Variants in HS3ST5 observed in about 807,000 individuals in gnomAD.
HS3ST5 encodes heparan sulfate glucosamine 3-O-sulfotransferase 5.
HS3ST5 carries 10 observed loss-of-function variants against 25.4 expected under a neutral mutation model. The observed-to-expected ratio is 0.39, with a 90% CI of 0.24 to 0.67. The LOEUF (loss-of-function observed/expected upper bound fraction) is 0.67, where lower values mean the gene tolerates loss of function less well. Ranked by LOEUF, HS3ST5 falls within the 30% of genes least tolerant of loss-of-function variation. The pLI is 0.44. For synonymous variants in HS3ST5, 170 were observed against 162.4 expected (o/e 1.05, Z -0.36); for missense variants, 324 against 420.7 (o/e 0.77, Z 2.01).
chr6:114,285,995 T>C (rs1232277728), intron 1 of HS3ST5, among the ~76,000 whole-genome samples: 2 of 151,736 alleles, frequency 1.3e-5, no homozygotes, highest in African/African-American at 4.8e-5. Context: ...AATCGAAATA[T>C]ACACGTATGG....
At chr6:114,209,301 T>C (rs941368286) in intron 2 of HS3ST5, among the ~76,000 whole-genome samples, 2 of 152,084 alleles carry the variant, frequency 1.3e-5, no homozygotes, top group African/African-American at 2.4e-5. Context: ...TTTAAATTTT[T>C]AAAAAATGTG....
intron 3 of HS3ST5, among the ~76,000 whole-genome samples, chr6:114,125,187 G>T (rs1236055861): frequency 6.6e-6 from 1 of 152,058 alleles, no homozygotes; most frequent in African/African-American, 2.4e-5. Flanking sequence ...TTTTTAGAAA[G>T]AATTACAATT....
At chr6:114,236,958 A>G (rs1185341230) in intron 1 of HS3ST5, among the ~76,000 whole-genome samples, 3 of 152,246 alleles carry the variant, frequency 2.0e-5, no homozygotes, top group Non-Finnish European at 4.4e-5. Context: ...CCATGTTATC[A>G]GTTCCACTTT....
intron 1 of HS3ST5, among the ~76,000 whole-genome samples, chr6:114,264,129 C>T (rs1390436973): frequency 6.6e-6 from 1 of 151,990 alleles, no homozygotes; most frequent in Non-Finnish European, 1.5e-5. Context: ...TAGTATTGCT[C>T]TTATTTCTAA....
chr6:114,255,099 G>T (rs146370852), intron 1 of HS3ST5, among the ~76,000 whole-genome samples: 2 of 152,284 alleles, frequency 1.3e-5, no homozygotes, highest in Non-Finnish European at 2.9e-5. Flanking sequence ...TCAAAAGCAA[G>T]CTAGTTACCT....
intron 1 of HS3ST5, among the ~76,000 whole-genome samples, chr6:114,289,896 C>T (rs1366954720): frequency 6.6e-6 from 1 of 151,988 alleles, no homozygotes; most frequent in Admixed American, 6.6e-5. Flanking sequence ...TTAAATTTAG[C>T]ACAAATATCC....
intron 3 of HS3ST5, among the ~76,000 whole-genome samples, chr6:114,071,082 G>T (rs1230843293): frequency 2.6e-5 from 4 of 152,110 alleles, no homozygotes; most frequent in African/African-American, 9.7e-5. Context: ...CCTACCCAAG[G>T]CCTACATATG....
chr6:114,193,976 A>G (rs1384223886), intron 2 of HS3ST5, among the ~76,000 whole-genome samples: 5 of 152,192 alleles, frequency 3.3e-5, no homozygotes, highest in Admixed American at 3.3e-4. Context: ...GTAAGTTGAT[A>G]AATGGGCCTA....
chr6:114,161,540 T>TATATATATATATATATAG (rs1778958635), intron 3 of HS3ST5, among the ~76,000 whole-genome samples: 3 of 66,614 alleles, frequency 4.5e-5, no homozygotes, highest in African/African-American at 2.0e-4. Flanking sequence ...TATATATATA[T>TATATATATATATATATAG]ATATATATAT....
chr6:114,213,139 TG>T (rs1781584700), intron 2 of HS3ST5, among the ~76,000 whole-genome samples: 1 of 152,044 alleles, frequency 6.6e-6, no homozygotes, highest in African/African-American at 2.4e-5. Context: ...GGCCTTCCCC[TG>T]GAGTTCGGCC....
intron 1 of HS3ST5, among the ~76,000 whole-genome samples, chr6:114,284,185 T>C (rs1346503211): frequency 6.6e-6 from 1 of 152,026 alleles, no homozygotes; most frequent in African/African-American, 2.4e-5. Flanking sequence ...TTAAAAGCCA[T>C]TAAAGTATTT....
rs558562007 is a variant in HS3ST5, at chr6:114,166,464, C to T, written c.-33+1887G>A. Among the ~76,000 whole-genome samples, 33 of 152,274 alleles carry T rather than the reference C, an allele frequency of 2.2e-4. 1 individual carries two copies. Among genetic ancestry groups the T allele is most frequent in the African/African-American group, 7.9e-4 (33 of 41,558 alleles). ...CATTTAGCCAAGGTCTTTGTAAATT[C>T]TCCAAAACAATTTCAAATAGAATAA... is the stretch of plus-strand genomic sequence containing the variant. On this transcript the variant is annotated intron_variant, in intron 3 of 4. Transcript: ENST00000312719.
chr6:114,117,983 A>G (rs1213190996), intron 3 of HS3ST5, among the ~76,000 whole-genome samples: 1 of 152,198 alleles, frequency 6.6e-6, no homozygotes. Flanking sequence ...ACAAGGACCT[A>G]GAGAGGTATG....
chr6:114,234,276 G>C (rs917135541), intron 1 of HS3ST5, among the ~76,000 whole-genome samples: 1 of 149,716 alleles, frequency 6.7e-6, no homozygotes, highest in Admixed American at 6.7e-5. Context: ...GTTTTCACAG[G>C]GTATTAAATC....
chr6:114,078,705 C>T (rs982487878), intron 3 of HS3ST5, among the ~76,000 whole-genome samples: 1 of 152,198 alleles, frequency 6.6e-6, no homozygotes, highest in East Asian at 1.9e-4. Context: ...GTTCAAAATA[C>T]AGTCTAGCTG....
At chr6:114,264,558 C>T (rs1773321482) in intron 1 of HS3ST5, among the ~76,000 whole-genome samples, 2 of 152,124 alleles carry the variant, frequency 1.3e-5, no homozygotes, top group Admixed American at 6.5e-5. Flanking sequence ...GCTTATTGGA[C>T]ATTTTCACCT....
At chr6:114,114,484 T>A (rs1360111142) in intron 3 of HS3ST5, among the ~76,000 whole-genome samples, 3 of 152,164 alleles carry the variant, frequency 2.0e-5, no homozygotes, top group African/African-American at 7.2e-5. Flanking sequence ...TAGGATCATA[T>A]AATTATGTGA....
At chr6:114,321,869 A>G (rs1362139547) in intron 1 of HS3ST5, among the ~76,000 whole-genome samples, 1 of 152,140 alleles carries the variant, frequency 6.6e-6, no homozygotes, top group Non-Finnish European at 1.5e-5. Flanking sequence ...CTAGTCTGAC[A>G]CTTTTTGCTC....
At chr6:114,119,200 C>T (rs6900394) in intron 3 of HS3ST5, among the ~76,000 whole-genome samples, 13 of 152,088 alleles carry the variant, frequency 8.5e-5, no homozygotes, top group Non-Finnish European at 1.5e-4. Context: ...GCCTGAGGGA[C>T]GATAAACAAG....
Sources: gnomAD v4.1 joint callset for allele counts (sites outside exome capture counted in the v4.1 genomes callset) on GRCh38, gnomAD v4.1.1 for gene constraint, MANE v1.5 for transcripts, NCBI Gene and HGNC (gene_info 2026-07-23, HGNC 2026-07-21) for gene names.